SPAG16: variants seen among roughly 807,000 people sequenced by gnomAD.
SPAG16 encodes sperm associated antigen 16.
In SPAG16, 86 loss-of-function variants were observed where a neutral mutation model predicts 80.4. That is an observed-to-expected ratio of 1.07 (90% confidence interval 0.90 to 1.28). The LOEUF is 1.28. SPAG16 is among the 50% of genes most tolerant of loss of function. The pLI, the probability that SPAG16 is intolerant of heterozygous loss-of-function variation, is 0.00. For synonymous variants in SPAG16, 294 were observed against 265.9 expected (o/e 1.11, Z -1.03); for missense variants, 870 against 765.3 (o/e 1.14, Z -1.61).
At chr2:214,200,217 A>T (rs1356335553) in intron 15 of SPAG16, among the ~76,000 whole-genome samples, 1 of 152,058 alleles carries the variant, frequency 6.6e-6, no homozygotes, top group African/African-American at 2.4e-5. Flanking sequence ...GATGTTGGCT[A>T]TGGGTTTGTC....
At chr2:213,680,574 C>T (rs978941645) in intron 10 of SPAG16, among the ~76,000 whole-genome samples, 12 of 152,134 alleles carry the variant, frequency 7.9e-5, no homozygotes, top group African/African-American at 2.9e-4. Context: ...TTCTCTCATT[C>T]GTGGATGATA....
intron 13 of SPAG16, among the ~76,000 whole-genome samples, chr2:214,068,401 C>A (rs2050629980): frequency 6.6e-6 from 1 of 152,008 alleles, no homozygotes; most frequent in Non-Finnish European, 1.5e-5. Context: ...GGACATAGAG[C>A]CTTGATTTGT....
chr2:214,105,456 A>G (rs187011653), intron 13 of SPAG16, among the ~76,000 whole-genome samples: 5 of 152,310 alleles, frequency 3.3e-5, no homozygotes, highest in Non-Finnish European at 5.9e-5. Flanking sequence ...CTCATTGTAC[A>G]TATCAGGCAA....
chr2:213,504,938 C>T (rs1032630057), intron 10 of SPAG16, among the ~76,000 whole-genome samples: 6 of 152,188 alleles, frequency 3.9e-5, no homozygotes, highest in South Asian at 2.1e-4. Flanking sequence ...TCATGCCCTT[C>T]GGAATTTTCC....
chr2:213,803,333 A>G (rs1206584827), intron 10 of SPAG16, among the ~76,000 whole-genome samples: 2 of 152,214 alleles, frequency 1.3e-5, no homozygotes, highest in Non-Finnish European at 2.9e-5. Flanking sequence ...ATAATGAGGC[A>G]TCATAAATAG....
At chr2:213,500,465 T>A (rs575755635) in intron 10 of SPAG16, among the ~76,000 whole-genome samples, 3 of 152,334 alleles carry the variant, frequency 2.0e-5, no homozygotes, top group African/African-American at 7.2e-5. Context: ...AAAAGTGGTC[T>A]TGAATCGAGA....
At chr2:213,806,079 G>A (rs1329965327) in intron 10 of SPAG16, among the ~76,000 whole-genome samples, 1 of 152,164 alleles carries the variant, frequency 6.6e-6, no homozygotes, top group Non-Finnish European at 1.5e-5. Flanking sequence ...ATATAAAATT[G>A]ATGGTTTCTT....
chr2:213,423,957 G>C (rs2069753355), intron 9 of SPAG16, among the ~76,000 whole-genome samples: 1 of 152,174 alleles, frequency 6.6e-6, no homozygotes, highest in African/African-American at 2.4e-5. Flanking sequence ...TTTCAGCAGA[G>C]TACATTTCCT....
At chr2:214,202,244 A>AT (rs2058029441) in intron 15 of SPAG16, among the ~76,000 whole-genome samples, 1 of 152,136 alleles carries the variant, frequency 6.6e-6, no homozygotes, top group South Asian at 2.1e-4. Flanking sequence ...TAACTTGAAA[A>AT]TTTTTTTACA....
intron 15 of SPAG16, chr2:214,238,077 G>A (rs761036945): frequency 2.0e-5 from 6 of 303,924 alleles, no homozygotes; most frequent in Non-Finnish European, 3.9e-5. Flanking sequence ...TTAGCATCAA[G>A]AATATTTTTT....
intron 10 of SPAG16, among the ~76,000 whole-genome samples, chr2:213,743,359 T>C (rs939717298): frequency 2.6e-5 from 4 of 152,198 alleles, no homozygotes; most frequent in Admixed American, 6.5e-5. Flanking sequence ...ATTTATTGAG[T>C]GAAAGAATGA....
chr2:213,375,515 T>C (rs1288166731), intron 9 of SPAG16, among the ~76,000 whole-genome samples: 2 of 152,096 alleles, frequency 1.3e-5, no homozygotes, highest in African/African-American at 4.8e-5. Flanking sequence ...TGAAATAGCA[T>C]TATGCTCCGT....
At chr2:213,498,161 G>T (rs933275473) in intron 10 of SPAG16, among the ~76,000 whole-genome samples, 3 of 152,144 alleles carry the variant, frequency 2.0e-5, no homozygotes, top group Non-Finnish European at 2.9e-5. Context: ...ACATGGTGAA[G>T]TATGAGCAAT....
intron 15 of SPAG16, among the ~76,000 whole-genome samples, chr2:214,383,844 G>T (rs1205680158): frequency 6.6e-6 from 1 of 152,118 alleles, no homozygotes; most frequent in Non-Finnish European, 1.5e-5. Flanking sequence ...TCTGGCTATT[G>T]TATACATTAT....
chr2:214,023,918 G>A (rs2048010855), intron 13 of SPAG16, among the ~76,000 whole-genome samples: 2 of 151,510 alleles, frequency 1.3e-5, no homozygotes, highest in Admixed American at 6.6e-5. Flanking sequence ...TAATTATAAT[G>A]ACTATGTCCA....
chr2:213,474,063 G>A (rs1575684771), intron 9 of SPAG16, among the ~76,000 whole-genome samples: 2 of 152,166 alleles, frequency 1.3e-5, no homozygotes, highest in African/African-American at 4.8e-5. Context: ...GGGTTGGGGA[G>A]GGGCTGTTGC....
At chr2:213,286,322 A>T (rs1479626339) in intron 1 of SPAG16, among the ~76,000 whole-genome samples, 1 of 152,198 alleles carries the variant, frequency 6.6e-6, no homozygotes, top group Non-Finnish European at 1.5e-5. Flanking sequence ...TAGTCAGGGG[A>T]TACACAGTTA....
chr2:213,399,238 A>G (rs1193472446), intron 9 of SPAG16, among the ~76,000 whole-genome samples: 3 of 152,088 alleles, frequency 2.0e-5, no homozygotes, highest in Non-Finnish European at 4.4e-5. Context: ...CAACACAAGG[A>G]ATGATATTTA....
intron 15 of SPAG16, chr2:214,280,904 A>G (rs964067240): frequency 4.6e-6 from 2 of 432,856 alleles, no homozygotes; most frequent in Admixed American, 2.7e-5. Context: ...AGCACATGTA[A>G]TCTGCGACAT....
Sources: allele counts gnomAD v4.1 joint callset (sites outside exome capture counted in the v4.1 genomes callset), GRCh38; gene constraint gnomAD v4.1.1; transcripts MANE v1.5; gene names NCBI Gene and HGNC (gene_info 2026-07-23, HGNC 2026-07-21).